GABRR2: variants seen among roughly 807,000 people sequenced by gnomAD.
The protein encoded by GABRR2 is gamma-aminobutyric acid receptor subunit rho-2.
A neutral mutation model predicts 47.0 loss-of-function variants in GABRR2; 36 were observed. The ratio of observed to expected loss-of-function variants is 0.77; its 90% CI spans 0.59 to 1.01. The LOEUF (loss-of-function observed/expected upper bound fraction) is 1.01, where lower values mean the gene tolerates loss of function less well. Ranked by LOEUF, GABRR2 falls within the 50% of genes least tolerant of loss-of-function variation. The pLI, the probability that GABRR2 is intolerant of heterozygous loss-of-function variation, is 0.00. For missense variants in GABRR2, 587 were observed against 594.6 expected, an observed-to-expected ratio of 0.99 and a Z score of 0.13; for synonymous variants, 204 against 227.5, an observed-to-expected ratio of 0.90 and a Z score of 0.93.
chr6:89,300,849 A>G (rs530568887), intron 1 of GABRR2, among the ~76,000 whole-genome samples: 27 of 152,134 alleles, frequency 1.8e-4, no homozygotes, highest in African/African-American at 6.3e-4. Flanking sequence ...CTATTCCAAA[A>G]AATTGAGGAG....
In GABRR2 at chr6:89,256,629, A is replaced by G. The variant is rs1773604522; in HGVS notation, c.*1041T>C. On this transcript the variant is annotated 3_prime_UTR_variant, in exon 9 of 9. Coordinates refer to ENST00000402938, the MANE Select transcript of GABRR2 (RefSeq NM_002043.5). ...ATAGTCTATGCCAACAATGTGATTTATGATAGGTGCCCTGGACCTCAAGGT... is the reference window on the plus strand; with the variant it reads ...ATAGTCTATGCCAACAATGTGATTTGTGATAGGTGCCCTGGACCTCAAGGT... 2.0e-5 allele frequency among the ~76,000 whole-genome samples: 3 copies of G among 152,186 alleles called. No individual in the cohort carries two copies. In the South Asian group the frequency reaches 6.2e-4, roughly 32 times the overall value.
chr6:89,311,033 G>T (rs528355363), intron 1 of GABRR2, among the ~76,000 whole-genome samples: 2 of 152,080 alleles, frequency 1.3e-5, no homozygotes, highest in African/African-American at 4.8e-5. Flanking sequence ...AGTCATGGTC[G>T]GGTGCTGCCA....
rs1176434740 is a variant in GABRR2, at chr6:89,257,099, A to G, written c.*571T>C. On this transcript the variant is annotated 3_prime_UTR_variant, in exon 9 of 9. Coordinates refer to ENST00000402938, the MANE Select transcript of GABRR2 (RefSeq NM_002043.5). ...GACCTCAATATTTAATGAATGGTTG[A>G]ATGGATGGATAAATGAATAATCTCC... is the stretch of plus-strand genomic sequence containing the variant. The G allele has an allele frequency of 6.5e-6, 1 of 152,900 alleles. No individual in the cohort carries two copies. The allele number at this position is 152,900 out of a possible 1,614,324, so 9.5% of individuals were successfully genotyped here.
chr6:89,281,872 C>G (rs923795484), intron 2 of GABRR2, among the ~76,000 whole-genome samples: 3 of 152,168 alleles, frequency 2.0e-5, no homozygotes, highest in Non-Finnish European at 4.4e-5. Context: ...TCCTCTCACG[C>G]TAGGGCCTCT....
chr6:89,287,523 G>T (rs1774353435), intron 2 of GABRR2, among the ~76,000 whole-genome samples: 1 of 152,202 alleles, frequency 6.6e-6, no homozygotes, highest in South Asian at 2.1e-4. Flanking sequence ...TGGAGCCTTT[G>T]CAGTGCTGCA....
At chr6:89,280,667 G>A (rs1774244323) in intron 2 of GABRR2, among the ~76,000 whole-genome samples, 1 of 152,220 alleles carries the variant, frequency 6.6e-6, no homozygotes. Context: ...AGCAGAGTGG[G>A]CGGAAATAGA....
chr6:89,268,169 G>A (rs1773952073), intron 4 of GABRR2, 73 bp from the exon 5 acceptor site: 6 of 1,138,072 alleles, frequency 5.3e-6, no homozygotes, highest in South Asian at 2.6e-5. Context: ...GAGCAAGAAG[G>A]CACAGCACAC....
intron 2 of GABRR2, among the ~76,000 whole-genome samples, chr6:89,284,432 G>T (rs1354213944): frequency 1.3e-5 from 2 of 152,180 alleles, no homozygotes; most frequent in Non-Finnish European, 2.9e-5. Context: ...GATAATTAAG[G>T]TAGCGAATCA....
intron 2 of GABRR2, among the ~76,000 whole-genome samples, chr6:89,297,382 G>A (rs1190294204): frequency 1.3e-5 from 2 of 152,174 alleles, no homozygotes; most frequent in Non-Finnish European, 2.9e-5. Flanking sequence ...CAGCTAGGAG[G>A]GGGGTCCAAC....
At chr6:89,269,393 G>A (rs1773991228) in intron 3 of GABRR2, 159 bp from the exon 4 acceptor site, 1 of 629,658 alleles carries the variant, frequency 1.6e-6, no homozygotes, top group Admixed American at 2.7e-5. Flanking sequence ...CTGTGCAGTT[G>A]GAAAGAGAAT....
intron 1 of GABRR2, among the ~76,000 whole-genome samples, chr6:89,314,330 C>G (rs16881686): frequency 0.037 from 5,621 of 152,292 alleles, 361 homozygotes; most frequent in African/African-American, 0.13. Context: ...CCATGTCTAA[C>G]AGTCCTTATG....
chr6:89,283,447 A>G (rs10806407), intron 2 of GABRR2, among the ~76,000 whole-genome samples: 90,497 of 151,924 alleles, frequency 0.6, 26,973 homozygotes, highest in East Asian at 0.71. Context: ...ATAATAAACC[A>G]TTAAAAATAT....
At position 89,266,417 on chromosome 6, in the gene GABRR2, G is replaced by A. The variant is rs558388825; in HGVS notation, c.737-652C>T. 2.0e-5 allele frequency among the ~76,000 whole-genome samples: 3 copies of A among 152,350 alleles called. No homozygotes were observed. In the South Asian group the frequency reaches 6.2e-4, roughly 32 times the overall value. Reference sequence around the variant, plus strand: ...CCAGTGCCACTGGGGCAGGAGCTGGGAGAGCTAGGCTCTGGTCACTGTCAC... The same window carrying A: ...CCAGTGCCACTGGGGCAGGAGCTGGAAGAGCTAGGCTCTGGTCACTGTCAC... On this transcript the variant is annotated intron_variant, in intron 6 of 8. Coordinates refer to ENST00000402938, the MANE Select transcript of GABRR2 (RefSeq NM_002043.5).
Position 89,272,151 on chromosome 6 carries a change from C to G in GABRR2, c.221-429G>C, listed in dbSNP as rs564953233. 1.4e-4 allele frequency among the ~76,000 whole-genome samples: 22 copies of G among 152,330 alleles called. 1 individual carries two copies. The highest frequency in any genetic ancestry group is 1.2e-3 in the Admixed American group (18 of 15,306). On this transcript the variant is annotated intron_variant, in intron 2 of 8. Transcript: ENST00000402938. ...GGGCTGGGCACCTGCATGCCCTGGT[C>G]TGAATTCATTCAGTCATTCAGGCTA...
chr6:89,263,615 C>T (rs906694692), intron 8 of GABRR2, among the ~76,000 whole-genome samples: 34 of 152,298 alleles, frequency 2.2e-4, no homozygotes, highest in African/African-American at 7.7e-4. Flanking sequence ...CTCTGCCTCC[C>T]GGGTTCAAGC....
At chr6:89,290,753 T>G (rs564142790) in intron 2 of GABRR2, among the ~76,000 whole-genome samples, 1 of 152,282 alleles carries the variant, frequency 6.6e-6, no homozygotes, top group East Asian at 1.9e-4. Context: ...AGGAGGAGGA[T>G]GAGGGGAATG....
At chr6:89,308,734 G>A (rs530269042) in intron 1 of GABRR2, among the ~76,000 whole-genome samples, 6 of 152,254 alleles carry the variant, frequency 3.9e-5, no homozygotes, top group African/African-American at 1.4e-4. Context: ...CAACCTTGAG[G>A]ATGTCAACAT....
chr6:89,258,187 G>A (rs766568987), intron 8 of GABRR2, among the ~76,000 whole-genome samples: 1 of 152,180 alleles, frequency 6.6e-6, no homozygotes, highest in South Asian at 2.1e-4. Context: ...GGCCATGCCC[G>A]GGCTGCACTT....
chr6:89,285,073 A>G (rs1774310710), intron 2 of GABRR2, among the ~76,000 whole-genome samples: 1 of 152,136 alleles, frequency 6.6e-6, no homozygotes, highest in Non-Finnish European at 1.5e-5. Flanking sequence ...CACTGACTCT[A>G]AGCTTAATTG....
Sources: gnomAD v4.1 joint callset for allele counts (sites outside exome capture counted in the v4.1 genomes callset) on GRCh38, gnomAD v4.1.1 for gene constraint, MANE v1.5 for transcripts, NCBI Gene and HGNC (gene_info 2026-07-23, HGNC 2026-07-21) for gene names.